Variants in FBXO27 observed in about 807,000 individuals in gnomAD.
FBXO27 encodes F-box protein 27, also known as F-box only protein 27.
A neutral mutation model predicts 28.3 loss-of-function variants in FBXO27; 28 were observed. The ratio of observed to expected loss-of-function variants is 0.99; its 90% CI spans 0.73 to 1.36. The LOEUF is 1.36. Among genes scored for constraint, FBXO27 ranks in the 40% most tolerant of loss-of-function variants. FBXO27 has a pLI of 0.00. For synonymous variants in FBXO27, 175 were observed against 167.3 expected (o/e 1.05, Z -0.36); for missense variants, 388 against 394.1 (o/e 0.98, Z 0.13).
At chr19:39,021,020 A>G (rs577354831), downstream of FBXO27, among the ~76,000 whole-genome samples, 1 of 152,140 alleles carries the variant, frequency 6.6e-6, no homozygotes, top group East Asian at 1.9e-4. Flanking sequence ...ACGCCCAGCT[A>G]ATTTTTGTAG....
At chr19:39,018,451 T>C (rs1305065852) in intron 1 of FBXO27, among the ~76,000 whole-genome samples, 1 of 152,152 alleles carries the variant, frequency 6.6e-6, no homozygotes, top group Non-Finnish European at 1.5e-5. Flanking sequence ...TAAACAGTGA[T>C]ATCTTCCGGT....
chr19:39,028,218 G>A (rs939666919), intron 4 of FBXO27, among the ~76,000 whole-genome samples: 3 of 151,662 alleles, frequency 2.0e-5, no homozygotes, highest in African/African-American at 7.3e-5. Context: ...GCGATAGAGG[G>A]AGACCCTGTC....
chr19:39,009,410 C>T (rs554142607), intron 2 of FBXO27, among the ~76,000 whole-genome samples: 49 of 152,318 alleles, frequency 3.2e-4, no homozygotes, highest in African/African-American at 1.1e-3. Context: ...TTCCCATCAG[C>T]AATGTGTGAG....
chr19:39,009,589 T>C (rs1458458891), intron 2 of FBXO27, among the ~76,000 whole-genome samples: 1 of 152,206 alleles, frequency 6.6e-6, no homozygotes, highest in Non-Finnish European at 1.5e-5. Context: ...CACTGGTATA[T>C]CTTCTTTGGA....
downstream of FBXO27, among the ~76,000 whole-genome samples, chr19:39,022,510 G>A (rs1157590083): frequency 6.6e-6 from 1 of 151,834 alleles, no homozygotes; most frequent in East Asian, 1.9e-4. Context: ...GCAGTGGTGT[G>A]ATCTTGGCTC....
At chr19:39,028,943 G>A (rs1427375194) in intron 4 of FBXO27, among the ~76,000 whole-genome samples, 1 of 151,584 alleles carries the variant, frequency 6.6e-6, no homozygotes, top group Non-Finnish European at 1.5e-5. Flanking sequence ...TCAGGAGGCT[G>A]AGGTGGGAGG....
chr19:39,007,804 G>A (rs934442178), intron 2 of FBXO27, among the ~76,000 whole-genome samples: 1 of 151,952 alleles, frequency 6.6e-6, no homozygotes, highest in African/African-American at 2.4e-5. Flanking sequence ...CACCACGCCT[G>A]GCTAATTTTT....
chr19:39,031,159 C>A (rs776792595), intron 3 of FBXO27, 35 bp from the exon 4 acceptor site: 1 of 1,612,940 alleles, frequency 6.2e-7, no homozygotes, highest in Non-Finnish European at 8.5e-7. Context: ...TGAGAACAGG[C>A]AGGCCTTTCT....
intron 2 of FBXO27, 58 bp downstream of exon 2, chr19:39,031,806 C>T: frequency 1.4e-6 from 2 of 1,417,534 alleles, no homozygotes; most frequent in Non-Finnish European, 1.8e-6. Context: ...GCCCCTCCGG[C>T]CCCGCTACCG....
intron 1 of FBXO27, among the ~76,000 whole-genome samples, chr19:39,016,349 T>C (rs1568458013): frequency 6.7e-6 from 1 of 150,158 alleles, no homozygotes; most frequent in Non-Finnish European, 1.5e-5. Flanking sequence ...GGGATGTTGA[T>C]AGCGGGAAGG....
In FBXO27 at chr19:39,025,344, T is replaced by C. The variant is rs1600227096; in HGVS notation, c.*67A>G. On this transcript the variant is annotated 3_prime_UTR_variant, in exon 6 of 6. Transcript: ENST00000292853. ...AAGTGCTTGGTTGGTTAATGAGGGG[T>C]CCCAGCCAATGGTCCCAGGCCCTGG... is the stretch of plus-strand genomic sequence containing the variant. The C allele has an allele frequency of 6.5e-7, 1 of 1,549,720 alleles. No homozygotes were observed. Among genetic ancestry groups the C allele is most frequent in the Non-Finnish European group, 8.7e-7 (1 of 1,143,338 alleles).
At position 39,032,505 on chromosome 19, in the gene FBXO27, C is replaced by A; in HGVS notation, c.-29G>T. On this transcript the variant is annotated splice_region_variant and 5_prime_UTR_variant, in exon 1 of 6. Transcript: ENST00000292853. The surrounding 1 kb of genome is among the most constrained non-coding windows in gnomAD (Gnocchi z 4.7). The stretch of plus-strand genomic sequence containing the variant: ...CGACACCGCACCCCAAGTCCTACCC[C>A]GGGGCCTGGCGGCGCTCCTCGCCGG... 2.6e-6 allele frequency: 1 copy of A among 386,852 alleles called. No homozygotes were observed. The highest frequency in any genetic ancestry group is 4.6e-6 in the Non-Finnish European group (1 of 219,658). 24.0% of individuals were successfully genotyped at this position (386,852 alleles called of 1,614,324 possible).
chr19:39,031,170 C>G (rs769814259), intron 3 of FBXO27, 39 bp downstream of exon 3: 210 of 1,613,334 alleles, frequency 1.3e-4, no homozygotes, highest in Non-Finnish European at 1.7e-4. Context: ...AGGCCTTTCT[C>G]AACAAGGGGC....
intron 1 of FBXO27, among the ~76,000 whole-genome samples, chr19:39,014,711 G>A (rs2072811468): frequency 1.3e-5 from 2 of 150,738 alleles, no homozygotes; most frequent in South Asian, 2.1e-4. Flanking sequence ...GGGTAACAGA[G>A]TAAGACCCTG....
rs1160581356 is a variant in FBXO27 at position 39,011,940 on chromosome 19, T to C, written c.252+2447A>G. ...ACCTCCCGGGTTCACGCCATTCTCC[T>C]GCCTCAGCCTCCCGAGTAGCTGGGA... On this transcript the variant is annotated intron_variant, in intron 2 of 2. Coordinates refer to the FBXO27 transcript ENST00000598394. Among the ~76,000 whole-genome samples the C allele has an allele frequency of 2.6e-5, 4 of 151,216 alleles. No individual in the cohort carries two copies. In the East Asian group the frequency reaches 5.9e-4, roughly 22 times the overall value.
In FBXO27 at chr19:39,032,216, C is replaced by T; in HGVS notation, c.12G>A (p.Ser4=). 2 of 1,450,136 alleles carry T rather than the reference C, an allele frequency of 1.4e-6. No homozygotes were observed. Among genetic ancestry groups the T allele is most frequent in the Non-Finnish European group, 9.0e-7 (1 of 1,108,398 alleles). 89.8% of individuals were successfully genotyped at this position (1,450,136 alleles called of 1,614,324 possible). A position where few individuals can be genotyped will look rare whatever the true frequency, so the allele number is the denominator to read the frequency against. The part of the protein sequence containing the change: MGA[S]VSRGRAARVP... ...CCCGGGCGGCCCGGCCCCTGGAGAC[C>T]GAGGCGCCCATGGTCCCCCCGCCAG... Residue 4 remains serine (S), a synonymous_variant, in exon 2 of 6, where the codon TCG becomes TCA. Coordinates refer to ENST00000292853, the MANE Select transcript of FBXO27 (RefSeq NM_178820.5). This position sits in a 1 kb window ranked among gnomAD's most constrained non-coding sequence, Gnocchi z 4.7.
rs764835527 is a variant in FBXO27, at chr19:39,027,405, C to T, written c.573-400G>A. Among the ~76,000 whole-genome samples the T allele has an allele frequency of 3.9e-5, 6 of 152,074 alleles. No individual in the cohort carries two copies. The South Asian group carries it at 6.2e-4, about 16-fold the overall frequency. On this transcript the variant is annotated intron_variant, in intron 4 of 5. Coordinates refer to ENST00000292853, the MANE Select transcript of FBXO27 (RefSeq NM_178820.5). ...TGAACCCAAGAAACACTCTGGACACCGAGGCTCAAGTGAACTCCCTTGGTC... is the reference window on the plus strand; with the variant it reads ...TGAACCCAAGAAACACTCTGGACACTGAGGCTCAAGTGAACTCCCTTGGTC...
chr19:39,021,891 G>C (rs2072846690), downstream of FBXO27, among the ~76,000 whole-genome samples: 2 of 152,002 alleles, frequency 1.3e-5, no homozygotes, highest in African/African-American at 4.8e-5. Flanking sequence ...TTGAACTCCT[G>C]ACCTTGTGAT....
downstream of FBXO27, among the ~76,000 whole-genome samples, chr19:39,023,364 C>T (rs2072854944): frequency 6.6e-6 from 1 of 152,092 alleles, no homozygotes. Flanking sequence ...TTGAGCTGGC[C>T]GGCAATAGAT....
Sources: gnomAD v4.1 joint callset for allele counts (sites outside exome capture counted in the v4.1 genomes callset) on GRCh38, gnomAD v4.1.1 for gene constraint, Gnocchi (gnomAD v3.1) non-coding constraint, MANE v1.5 for transcripts, NCBI Gene and HGNC (gene_info 2026-07-23, HGNC 2026-07-21) for gene names.